MIGA1: variants seen among roughly 807,000 people sequenced by gnomAD.
MIGA1 encodes the protein mitoguardin 1.
In MIGA1, 58 loss-of-function variants were observed where a neutral mutation model predicts 82.0. The observed-to-expected ratio is 0.71, with a 90% CI of 0.57 to 0.88. The LOEUF is 0.88. Ranked by LOEUF, MIGA1 falls within the 40% of genes least tolerant of loss-of-function variation. The probability of loss-of-function intolerance (pLI) is 0.00; values close to 1 mark genes in which losing one functional copy is unlikely to be tolerated. For missense variants in MIGA1, 751 were observed against 749.1 expected (o/e 1.00, Z -0.03); for synonymous variants, 249 against 253.6 (o/e 0.98, Z 0.17).
At chr1:77,855,848 T>G (rs999348377) in intron 8 of MIGA1, among the ~76,000 whole-genome samples, 2 of 152,056 alleles carry the variant, frequency 1.3e-5, no homozygotes, top group African/African-American at 4.8e-5. Flanking sequence ...ACAGTGACAG[T>G]TTGACTTCCT....
At chr1:77,836,980 A>G (rs1468859246) in intron 7 of MIGA1, among the ~76,000 whole-genome samples, 1 of 152,150 alleles carries the variant, frequency 6.6e-6, no homozygotes, top group Non-Finnish European at 1.5e-5. Flanking sequence ...TACATATGTC[A>G]AGTAAAATAG....
chr1:77,859,203 A>C, intron 9 of MIGA1, 111 bp from the exon 10 acceptor site: 1 of 1,040,262 alleles, frequency 9.6e-7, no homozygotes, highest in Non-Finnish European at 1.5e-6. Context: ...CAGTATTGAA[A>C]AAACATGTTT....
At chr1:77,809,038 G>C (rs1283911383) in intron 5 of MIGA1, among the ~76,000 whole-genome samples, 1 of 152,050 alleles carries the variant, frequency 6.6e-6, no homozygotes, top group African/African-American at 2.4e-5. Flanking sequence ...TTGAACCTAG[G>C]AGTTCAAGGT....
chr1:77,852,182 GC>G (rs1364036564), intron 8 of MIGA1, among the ~76,000 whole-genome samples: 16 of 152,200 alleles, frequency 1.1e-4, no homozygotes, highest in Non-Finnish European at 1.5e-5. Context: ...ACCGCACCTG[GC>G]CCCCAGTTTA....
intron 2 of MIGA1, among the ~76,000 whole-genome samples, chr1:77,785,030 A>G (rs538406097): frequency 1.3e-5 from 2 of 152,252 alleles, no homozygotes; most frequent in East Asian, 3.9e-4. Flanking sequence ...CAGCCAAACC[A>G]TATCATTCTG....
intron 14 of MIGA1, among the ~76,000 whole-genome samples, chr1:77,870,262 G>A (rs1685903365): frequency 2.3e-5 from 3 of 128,268 alleles, no homozygotes; most frequent in Non-Finnish European, 5.2e-5. Context: ...TGGCTGCCGG[G>A]CGGAGACGCT....
intron 2 of MIGA1, among the ~76,000 whole-genome samples, chr1:77,797,953 G>A (rs879216422): frequency 6.6e-6 from 1 of 151,636 alleles, no homozygotes; most frequent in Non-Finnish European, 1.5e-5. Flanking sequence ...TTAATTTTTT[G>A]TACTGGCTAG....
chr1:77,858,569 A>G (rs1010471360), intron 8 of MIGA1, among the ~76,000 whole-genome samples: 1 of 151,928 alleles, frequency 6.6e-6, no homozygotes, highest in Admixed American at 6.6e-5. Context: ...TCTTTCCTTT[A>G]TAGTTTATCT....
chr1:77,806,083 A>G (rs1254742111), intron 4 of MIGA1, among the ~76,000 whole-genome samples: 1 of 152,212 alleles, frequency 6.6e-6, no homozygotes, highest in Non-Finnish European at 1.5e-5. Context: ...ACAGTAGAAC[A>G]TTCAAATACC....
Position 77,786,672 on chromosome 1 carries a change from C to A in MIGA1, c.195+3321C>A, listed in dbSNP as rs1232429898. Among the ~76,000 whole-genome samples, 3 of 152,214 alleles carry A rather than the reference C, an allele frequency of 2.0e-5. No individual in the cohort carries two copies. In the East Asian group the frequency reaches 5.8e-4, roughly 29 times the overall value. The stretch of plus-strand genomic sequence containing the variant: ...AATATAGTAAGAGTCACCTTTGTGC[C>A]AGTTCCCAATGAGTTCCTCATCTCC... On this transcript the variant is annotated intron_variant, in intron 2 of 15. Coordinates refer to ENST00000370791, the MANE Select transcript of MIGA1 (RefSeq NM_198549.4).
At chr1:77,847,962 A>T (rs1328598134) in intron 8 of MIGA1, 9 of 1,250,904 alleles carry the variant, frequency 7.2e-6, no homozygotes, top group Non-Finnish European at 9.3e-6. Context: ...GAGACCCCTG[A>T]GAATCACCCC....
intron 14 of MIGA1, among the ~76,000 whole-genome samples, chr1:77,869,869 T>G (rs1428844668): frequency 5.5e-5 from 3 of 54,138 alleles, no homozygotes; most frequent in South Asian, 7.5e-4. Flanking sequence ...GGGGGGCTGA[T>G]CCCCCCACCT....
chr1:77,875,123 T>C lies in MIGA1; in HGVS notation c.*59T>C. The C allele has an allele frequency of 7.5e-7, 1 of 1,331,996 alleles. No individual in the cohort carries two copies. The highest frequency in any genetic ancestry group is 1.1e-6 in the Non-Finnish European group (1 of 941,026). The allele number at this position is 1,331,996 out of a possible 1,614,324, so 82.5% of individuals were successfully genotyped here. A position where few individuals can be genotyped will look rare whatever the true frequency, so the allele number is the denominator to read the frequency against. ...TGAAATATTTTAAGGTAACTATTGA[T>C]TTTGTAACATATATTACAAAGTTAA... On this transcript the variant is annotated 3_prime_UTR_variant, in exon 16 of 16. Transcript: ENST00000370791.
chr1:77,853,215 C>T (rs1286476920), intron 8 of MIGA1: 1 of 152,138 alleles, frequency 6.6e-6, no homozygotes, highest in Non-Finnish European at 1.5e-5. Context: ...TGCAAAAATT[C>T]AGAGAACATT....
chr1:77,872,876 G>A, intron 14 of MIGA1, 128 bp from the exon 15 acceptor site: 1 of 1,155,648 alleles, frequency 8.7e-7, no homozygotes, highest in Non-Finnish European at 1.3e-6. Flanking sequence ...GCTAGACTCT[G>A]GTTCTAAAAA....
At chr1:77,859,817 CA>C (rs1228755873) in intron 10 of MIGA1, 1 of 445,662 alleles carries the variant, frequency 2.2e-6, no homozygotes, top group African/African-American at 2.0e-5. Context: ...TGATTTTGAA[CA>C]GAATTTAAAT....
chr1:77,847,818 C>T, intron 8 of MIGA1: 1 of 1,605,038 alleles, frequency 6.2e-7, no homozygotes, highest in East Asian at 2.2e-5. Flanking sequence ...CGGAATACCA[C>T]AAGAGAAATG....
chr1:77,850,982 G>T (rs1159777789), intron 8 of MIGA1, among the ~76,000 whole-genome samples: 1 of 152,026 alleles, frequency 6.6e-6, no homozygotes, highest in Non-Finnish European at 1.5e-5. Context: ...TGATTCACCT[G>T]CCTCAGCCTC....
In MIGA1 at chr1:77,875,246, G is replaced by A. The variant is rs1423489123; in HGVS notation, c.*182G>A. 1.8e-6 allele frequency: 1 copy of A among 557,420 alleles called. No homozygotes were observed. The highest frequency in any genetic ancestry group is 3.2e-6 in the Non-Finnish European group (1 of 315,690). 34.5% of individuals were successfully genotyped at this position (557,420 alleles called of 1,614,324 possible). The stretch of plus-strand genomic sequence containing the variant: ...ACAGAAGTTCTGTCATTGAATTCCT[G>A]TGTAGTGTAGTCATAGTGGCTTTTT... On this transcript the variant is annotated 3_prime_UTR_variant, in exon 16 of 16. Transcript: ENST00000370791.
Sources: allele counts gnomAD v4.1 joint callset (sites outside exome capture counted in the v4.1 genomes callset), GRCh38; gene constraint gnomAD v4.1.1; transcripts MANE v1.5; gene names NCBI Gene and HGNC (gene_info 2026-07-23, HGNC 2026-07-21).